LNX2: variants seen among roughly 807,000 people sequenced by gnomAD.
The protein encoded by LNX2 is ligand of Numb protein X 2.
A neutral mutation model predicts 66.2 loss-of-function variants in LNX2; 35 were observed. The ratio of observed to expected loss-of-function variants is 0.53; its 90% CI spans 0.40 to 0.70. The LOEUF is 0.70. Ranked by LOEUF, LNX2 falls within the 30% of genes least tolerant of loss-of-function variation. The pLI, the probability that LNX2 is intolerant of heterozygous loss-of-function variation, is 0.00. For synonymous variants in LNX2, 337 were observed against 315.6 expected, an observed-to-expected ratio of 1.07 and a Z score of -0.72; for missense variants, 791 against 850.8, an observed-to-expected ratio of 0.93 and a Z score of 0.87.
In LNX2 at chr13:27,569,081, A is replaced by G; in HGVS notation, c.603T>C (p.Ser201=). The G allele has an allele frequency of 6.2e-7, 1 of 1,613,580 alleles. No individual in the cohort carries two copies. The highest frequency in any genetic ancestry group is 8.5e-7 in the Non-Finnish European group (1 of 1,179,834). Residue 201 remains serine, a synonymous_variant, in exon 3 of 10, where the codon AGT becomes AGC. Coordinates refer to ENST00000316334, the MANE Select transcript of LNX2 (RefSeq NM_153371.4). ...HLTSASLSTW[S]EEPGLDNPAF... is the part of the protein sequence containing the mutation. ...CAGGGTTGTCAAGGCCAGGCTCCTC[A>G]CTCCATGTGGAAAGAGACGCTGATG...
In LNX2 at chr13:27,562,659, G is replaced by A. The variant is rs1004512118; in HGVS notation, c.978C>T (p.Asn326=). The part of the protein sequence containing the change: ...RERRFGNRAH[N]HSDSNSPREE... ...CTCGTGGAGAGTTACTATCAGAATG[G>A]TTGTGTGCTCGGTTGCCAAAGCGCC... is the stretch of plus-strand genomic sequence containing the variant. Residue 326 remains asparagine (N), a synonymous_variant, in exon 5 of 10, where the codon AAC becomes AAT. Transcript: ENST00000316334. 1.2e-6 allele frequency: 2 copies of A among 1,614,036 alleles called. No individual in the cohort carries two copies. The highest frequency in any genetic ancestry group is 2.7e-5 in the African/African-American group (2 of 74,920).
At chr13:27,590,850 A>G (rs753937780) in intron 1 of LNX2, among the ~76,000 whole-genome samples, 12 of 152,190 alleles carry the variant, frequency 7.9e-5, no homozygotes, top group Non-Finnish European at 1.6e-4. Context: ...TAAGAACAAG[A>G]TATAAGAAAT....
chr13:27,583,241 T>C (rs868085337), intron 1 of LNX2, among the ~76,000 whole-genome samples: 517 of 20,326 alleles, frequency 0.025, 136 homozygotes, highest in African/African-American at 0.067. Flanking sequence ...TGTGTGTGTG[T>C]GTGTGTGTGT....
In LNX2 at chr13:27,550,471, T is replaced by A; in HGVS notation, c.1799A>T (p.Asp600Val). ...GLPSTLHSCH[D>V]IVLRRSYLGS... The stretch of plus-strand genomic sequence containing the variant: ...CAAGTAACTTCTTCGTAAAACTATA[T>A]CGTGGCAGCTATGAAGTGTGCTATA... Residue 600 changes from aspartate to valine, a missense_variant, in exon 9 of 10, where the codon GAT becomes GTT. Physicochemically the swap from Asp to Val is radical, Grantham distance 152. Coordinates refer to ENST00000316334, the MANE Select transcript of LNX2 (RefSeq NM_153371.4). 1 of 1,614,028 alleles carries A rather than the reference T, an allele frequency of 6.2e-7. No individual in the cohort carries two copies. The highest frequency in any genetic ancestry group is 8.5e-7 in the Non-Finnish European group (1 of 1,179,954).
At position 27,546,962 on chromosome 13, in the gene LNX2, A is replaced by C. The variant is rs532932948; in HGVS notation, c.*1373T>G. On this transcript the variant is annotated 3_prime_UTR_variant, in exon 10 of 10. Transcript: ENST00000316334. ...CTAGTGACTGAGAGCTGACTGAAAG[A>C]TACATCTAAAACCTACATTTCCAAC... 1 of 152,318 alleles carries C rather than the reference A, an allele frequency of 6.6e-6. No individual in the cohort carries two copies. Among genetic ancestry groups the C allele is most frequent in the African/African-American group, 2.4e-5 (1 of 41,590 alleles). The allele number at this position is 152,318 out of a possible 1,614,324, so 9.4% of individuals were successfully genotyped here.
chr13:27,592,910 T>G (rs1955559238), intron 1 of LNX2, among the ~76,000 whole-genome samples: 1 of 152,188 alleles, frequency 6.6e-6, no homozygotes, highest in Non-Finnish European at 1.5e-5. Context: ...ATTGGTGACC[T>G]TGATAGAGTT....
At chr13:27,618,057 A>G (rs1434952783) in intron 1 of LNX2, among the ~76,000 whole-genome samples, 1 of 152,262 alleles carries the variant, frequency 6.6e-6, no homozygotes, top group East Asian at 1.9e-4. Flanking sequence ...CAGGATAGTT[A>G]TTCTAAGGGT....
Position 27,581,266 on chromosome 13 carries a change from T to C in LNX2, c.407+31A>G, listed in dbSNP as rs200513663. 205 of 1,450,418 alleles carry C rather than the reference T, an allele frequency of 1.4e-4. No individual in the cohort carries two copies. In the African/African-American group the frequency reaches 2.7e-3, roughly 19 times the overall value. 89.8% of individuals were successfully genotyped at this position (1,450,418 alleles called of 1,614,324 possible). The stretch of plus-strand genomic sequence containing the variant: ...ATTTGAACCACCTTTTTCCAAAATC[T>C]GGAGTTACTTCTTTTATATTTTTTG... On this transcript the variant is annotated intron_variant, in intron 2 of 9. Transcript: ENST00000316334.
rs868085337 is a variant in LNX2, at chr13:27,583,241, T to G, written c.-100-1438A>C. ...GTGTGTGTGTGTGTGTGTGTGTGTG[T>G]GTGTGTGTGTGTGTGCGCGCGTCCT... On this transcript the variant is annotated intron_variant, in intron 1 of 9. Transcript: ENST00000316334. 9.7e-5 allele frequency among the ~76,000 whole-genome samples: 2 copies of G among 20,556 alleles called. 1 individual carries two copies. Among genetic ancestry groups the G allele is most frequent in the East Asian group, 1.5e-3 (2 of 1,300 alleles). The allele number at this position is 20,556 out of a possible 152,430, so 13.5% of individuals were successfully genotyped here.
At chr13:27,612,766 T>C (rs552430210) in intron 1 of LNX2, among the ~76,000 whole-genome samples, 15 of 152,168 alleles carry the variant, frequency 9.9e-5, no homozygotes, top group Non-Finnish European at 1.9e-4. Context: ...ACCCAGCTGA[T>C]TTTTTATAGA....
chr13:27,580,521 C>T (rs1194657038), intron 2 of LNX2, among the ~76,000 whole-genome samples: 2 of 152,110 alleles, frequency 1.3e-5, no homozygotes, highest in African/African-American at 4.8e-5. Context: ...TGATTCTACA[C>T]AAATGACGTA....
intron 1 of LNX2, among the ~76,000 whole-genome samples, chr13:27,586,027 CAT>C (rs1400441697): frequency 3.4e-5 from 5 of 147,490 alleles, no homozygotes; most frequent in Non-Finnish European, 6.0e-5. Flanking sequence ...TACTTACATA[CAT>C]ATATATACTT....
chr13:27,550,391 G>T lies in LNX2; in HGVS notation c.1879C>A (p.Pro627Thr). Reference sequence around the variant, plus strand: ...AAGACAATAGTTTTAATGAAAAAAGGCTGATTGGTGTGGTTCTCTTCATAT... The same window carrying T: ...AAGACAATAGTTTTAATGAAAAAAGTCTGATTGGTGTGGTTCTCTTCATAT... Reference protein sequence around the residue: ...GGYEENHTNQPFFIKTIVLGT... With the variant: ...GGYEENHTNQTFFIKTIVLGT... The change falls in exon 9 of 10, where the codon CCT becomes ACT. Residue 627 changes from proline (P) to threonine (T), a missense_variant. By Grantham distance (38) the Pro-to-Thr change is conservative. Transcript: ENST00000316334. 6.2e-7 allele frequency: 1 copy of T among 1,613,856 alleles called. No individual in the cohort carries two copies. Among genetic ancestry groups the T allele is most frequent in the Non-Finnish European group, 8.5e-7 (1 of 1,179,850 alleles).
At chr13:27,610,197 G>GT (rs1955758428) in intron 1 of LNX2, among the ~76,000 whole-genome samples, 1 of 152,212 alleles carries the variant, frequency 6.6e-6, no homozygotes, top group Admixed American at 6.5e-5. Flanking sequence ...CACATGCACT[G>GT]TGATACCTGG....
chr13:27,614,563 C>G (rs1054795374), intron 1 of LNX2, among the ~76,000 whole-genome samples: 2 of 152,038 alleles, frequency 1.3e-5, no homozygotes, highest in Non-Finnish European at 2.9e-5. Context: ...TAATAAAATT[C>G]CAGTCTTCTG....
In LNX2 at chr13:27,598,804, A is replaced by G. The variant is rs1039030036; in HGVS notation, c.-100-17001T>C. Among the ~76,000 whole-genome samples the G allele has an allele frequency of 1.3e-4, 20 of 152,302 alleles. 3 individuals are homozygous for G. Among genetic ancestry groups the G allele is most frequent in the Admixed American group, 1.2e-3 (19 of 15,296 alleles). On this transcript the variant is annotated intron_variant, in intron 1 of 9. Coordinates refer to ENST00000316334, the MANE Select transcript of LNX2 (RefSeq NM_153371.4). ...AACCAAAATATATACATACCTACAC[A>G]TATACAGTATATATATACACAAACA...
intron 3 of LNX2, 76 bp from the exon 4 acceptor site, chr13:27,567,915 A>G: frequency 8.4e-7 from 1 of 1,185,462 alleles, no homozygotes; most frequent in South Asian, 1.3e-5. Context: ...TATTCTGATT[A>G]TCTTCAGGTA....
At chr13:27,554,771 T>C (rs1286973277) in intron 7 of LNX2, among the ~76,000 whole-genome samples, 3 of 152,248 alleles carry the variant, frequency 2.0e-5, no homozygotes, top group East Asian at 3.8e-4. Flanking sequence ...GGAAACTATA[T>C]GAGGAATCAG....
At chr13:27,565,626 T>C (rs1955195588) in intron 4 of LNX2, among the ~76,000 whole-genome samples, 1 of 152,234 alleles carries the variant, frequency 6.6e-6, no homozygotes, top group Admixed American at 6.5e-5. Flanking sequence ...TAGCTAGCTA[T>C]GACAGGATCA....
Sources: gnomAD v4.1 joint callset for allele counts (sites outside exome capture counted in the v4.1 genomes callset) on GRCh38, gnomAD v4.1.1 for gene constraint, MANE v1.5 for transcripts, NCBI Gene and HGNC (gene_info 2026-07-23, HGNC 2026-07-21) for gene names.